Variants in HEATR1 observed in about 807,000 individuals in gnomAD.
The protein encoded by HEATR1 is HEAT repeat containing 1.
Under a neutral mutation model 248.2 loss-of-function variants are expected in HEATR1, and 77 were observed. The ratio of observed to expected loss-of-function variants is 0.31; its 90% CI spans 0.26 to 0.37. The LOEUF is 0.37. Ranked by LOEUF, HEATR1 falls within the 10% of genes least tolerant of loss-of-function variation. HEATR1 has a pLI of 1.00. For synonymous variants in HEATR1, 897 were observed against 923.1 expected (o/e 0.97, Z 0.51); for missense variants, 2,420 against 2,504.9 (o/e 0.97, Z 0.72).
rs772362857 is a variant in HEATR1, at chr1:236,603,975, T to C, written c.121A>G (p.Arg41Gly). Residue 41 changes from arginine (R) to glycine (G), a missense_variant, in exon 2 of 45, where the codon AGG (arginine) becomes GGG (glycine). Transcript: ENST00000366582. ...TCACCAATGGCGAAGGCGGTGTCCC[T>C]GTCGATTGTGGCCGCTTCCTTAGGG... Reference protein sequence around the residue: ...FDPKEAATIDRDTAFAIGCTG... With the variant: ...FDPKEAATIDGDTAFAIGCTG... 6 of 1,597,468 alleles carry C rather than the reference T, an allele frequency of 3.8e-6. No individual in the cohort carries two copies. Among genetic ancestry groups the C allele is most frequent in the Middle Eastern group, 3.3e-4 (2 of 5,998 alleles).
chr1:236,591,907 A>C (rs1664048604), intron 11 of HEATR1, 86 bp downstream of exon 11: 4 of 755,614 alleles, frequency 5.3e-6, no homozygotes, highest in Admixed American at 2.2e-5. Flanking sequence ...ACAAGGGAAA[A>C]AAGTGGCAAA....
intron 2 of HEATR1, 115 bp from the exon 3 acceptor site, chr1:236,603,491 T>C (rs1664382246): frequency 1.4e-6 from 1 of 733,694 alleles, no homozygotes; most frequent in South Asian, 1.8e-5. Context: ...TAAGTACATA[T>C]AATTTATAAT....
chr1:236,555,974 C>T, intron 38 of HEATR1, 35 bp from the exon 39 acceptor site: 1 of 1,611,802 alleles, frequency 6.2e-7, no homozygotes. Flanking sequence ...GTGCCATTTT[C>T]AAATGATTCC....
intron 19 of HEATR1, 51 bp downstream of exon 19, chr1:236,582,685 G>A (rs1370640746): frequency 6.3e-7 from 1 of 1,599,042 alleles, no homozygotes; most frequent in East Asian, 2.2e-5. Context: ...TTGCAGGCCA[G>A]CCATATCTTC....
In HEATR1 at chr1:236,571,573, G is replaced by A; in HGVS notation, c.3821C>T (p.Pro1274Leu). Reference sequence around the variant, plus strand: ...TCCTTCCAAAAAGTACCTACCTTTGGGTATTTTGCCACCATCTGGAGATAG... The same window carrying A: ...TCCTTCCAAAAAGTACCTACCTTTGAGTATTTTGCCACCATCTGGAGATAG... ...QKLSPDGGKI[P>L]KDILDEEKFN... The change falls in exon 27 of 45, where the codon CCC (proline) becomes CTC (leucine). Residue 1274 changes from proline to leucine, a missense_variant. By Grantham distance (98) the Pro-to-Leu change is moderately conservative. Transcript: ENST00000366582. 1 of 1,613,588 alleles carries A rather than the reference G, an allele frequency of 6.2e-7. No homozygotes were observed. The highest frequency in any genetic ancestry group is 1.3e-5 in the African/African-American group (1 of 74,992).
At chr1:236,592,677 T>C (rs1455516653) in intron 9 of HEATR1, 44 bp from the exon 10 acceptor site, 1 of 754,924 alleles carries the variant, frequency 1.3e-6, no homozygotes, top group African/African-American at 1.8e-5. Context: ...TAAGAGTTAC[T>C]ATTTATTGAG....
intron 19 of HEATR1, 102 bp downstream of exon 19, chr1:236,582,634 C>G (rs1399981104): frequency 8.2e-7 from 1 of 1,213,032 alleles, no homozygotes; most frequent in Non-Finnish European, 1.2e-6. Context: ...AACTCCTGAC[C>G]TCAAGTGATC....
In HEATR1 at chr1:236,604,016, G is replaced by A; in HGVS notation, c.80C>T (p.Ala27Val). 4 of 1,599,174 alleles carry A rather than the reference G, an allele frequency of 2.5e-6. No individual in the cohort carries two copies. The highest frequency in any genetic ancestry group is 2.3e-5 in the East Asian group (1 of 43,670). Residue 27 changes from alanine (A) to valine (V), a missense_variant, in exon 2 of 45, where the codon GCT becomes GTT. Transcript: ENST00000366582. ...TTCCTTAGGGTCAAATAACAAAGAA[G>A]CAACTTCATCTCTAGATAAGAGGCT... The part of the protein sequence containing the change: ...DASLLSRDEV[A>V]SLLFDPKEAA...
intron 35 of HEATR1, among the ~76,000 whole-genome samples, chr1:236,558,735 C>T (rs1345501409): frequency 1.3e-5 from 2 of 152,166 alleles, no homozygotes; most frequent in African/African-American, 4.8e-5. Flanking sequence ...GGACTTAGAA[C>T]TATGCTAAGG....
Position 236,562,504 on chromosome 1 carries a change from A to G in HEATR1, c.4600-1233T>C, listed in dbSNP as rs528499693. 7.9e-5 allele frequency among the ~76,000 whole-genome samples: 12 copies of G among 152,106 alleles called. No individual in the cohort carries two copies. The South Asian group carries it at 1.7e-3, about 21-fold the overall frequency. ...AGCACTTGGACCATTCTCTCCCCCA[A>G]CTGCTTTGTAAAATCACCTGCTGCA... On this transcript the variant is annotated intron_variant, in intron 32 of 44. Coordinates refer to ENST00000366582, the MANE Select transcript of HEATR1 (RefSeq NM_018072.6).
Position 236,561,125 on chromosome 1 carries a change from G to C in HEATR1, c.4646+100C>G. ...AAAGTATTATCAAATGGTGAACCTG[G>C]TTGTAAAGAGTATATGAATTTTCTG... is the stretch of plus-strand genomic sequence containing the variant. On this transcript the variant is annotated intron_variant, in intron 33 of 44. Transcript: ENST00000366582. 5 of 865,694 alleles carry C rather than the reference G, an allele frequency of 5.8e-6. No homozygotes were observed. In the South Asian group the frequency reaches 7.3e-5, roughly 13 times the overall value. The allele number at this position is 865,694 out of a possible 1,614,324, so 53.6% of individuals were successfully genotyped here.
At chr1:236,603,416 GTAA>G in intron 2 of HEATR1, 40 bp from the exon 3 acceptor site, 1 of 1,537,670 alleles carries the variant, frequency 6.5e-7, no homozygotes, top group Non-Finnish European at 9.0e-7. Flanking sequence ...ACAATTCTTC[GTAA>G]GCAAATTCAT....
At chr1:236,560,211 C>T (rs2758168) in intron 33 of HEATR1, among the ~76,000 whole-genome samples, 97,748 of 151,738 alleles carry the variant, frequency 0.64, 32,368 homozygotes, top group Non-Finnish European at 0.72. Context: ...GGTGTGTGCG[C>T]GCACACACAC....
At chr1:236,603,853 A>G (rs1443422182) in intron 2 of HEATR1, 101 bp downstream of exon 2, 53 of 1,265,444 alleles carry the variant, frequency 4.2e-5, no homozygotes, top group Non-Finnish European at 5.6e-5. Context: ...CTGCTAAGGA[A>G]GAGGACGGGA....
intron 44 of HEATR1, 58 bp downstream of exon 44, chr1:236,551,941 A>C: frequency 8.5e-7 from 1 of 1,177,768 alleles, no homozygotes. Context: ...ACATTTTCAC[A>C]GAATTTTACT....
intron 2 of HEATR1, 69 bp downstream of exon 2, chr1:236,603,885 A>G: frequency 5.2e-6 from 8 of 1,539,266 alleles, no homozygotes; most frequent in South Asian, 1.2e-5. Context: ...ACAAGGGGAA[A>G]AAAAAAAAAC....
chr1:236,571,815 C>T (rs1381883263), intron 26 of HEATR1, 129 bp from the exon 27 acceptor site: 1 of 674,332 alleles, frequency 1.5e-6, no homozygotes, highest in Non-Finnish European at 2.6e-6. Context: ...AAAATACTAT[C>T]ATTAAACATC....
chr1:236,549,996 G>A lies in HEATR1; in HGVS notation c.*906C>T, dbSNP rs549179339. On this transcript the variant is annotated 3_prime_UTR_variant, in exon 45 of 45. Transcript: ENST00000366582. ...CTTCAAAGGCTTTTAAACTCAATGC[G>A]AACATTCTACGGGATGTTCTTAGAT... 3 of 152,072 alleles carry A rather than the reference G, an allele frequency of 2.0e-5. No individual in the cohort carries two copies. Among genetic ancestry groups the A allele is most frequent in the African/African-American group, 2.4e-5 (1 of 41,402 alleles). The allele number at this position is 152,072 out of a possible 1,614,324, so 9.4% of individuals were successfully genotyped here. A position where few individuals can be genotyped will look rare whatever the true frequency, so the allele number is the denominator to read the frequency against.
At position 236,565,957 on chromosome 1, in the gene HEATR1, A is replaced by G. The variant is rs778638153; in HGVS notation, c.4397T>C (p.Ile1466Thr). The G allele has an allele frequency of 6.2e-7, 1 of 1,613,994 alleles. No homozygotes were observed. The highest frequency in any genetic ancestry group is 8.5e-7 in the Non-Finnish European group (1 of 1,179,926). The change falls in exon 31 of 45, where the codon ATC becomes ACC. Residue 1466 changes from isoleucine (I) to threonine (T), a missense_variant. Ile to Thr is a moderately conservative substitution (Grantham distance 89). Transcript: ENST00000366582. ...TGGCAGCTTTAGTAAGTACTGGAGGATATTCATCAAGCTTTGTATCTGATG... is the reference window on the plus strand; with the variant it reads ...TGGCAGCTTTAGTAAGTACTGGAGGGTATTCATCAAGCTTTGTATCTGATG... ...VQHQIQSLMN[I>T]LQYLLKLPEE...
Sources: gnomAD v4.1 joint callset for allele counts (sites outside exome capture counted in the v4.1 genomes callset) on GRCh38, gnomAD v4.1.1 for gene constraint, MANE v1.5 for transcripts, NCBI Gene and HGNC (gene_info 2026-07-23, HGNC 2026-07-21) for gene names.